BABAM2: variants seen among roughly 807,000 people sequenced by gnomAD.
BABAM2 encodes BRISC and BRCA1-A complex member 2.
A neutral mutation model predicts 54.7 loss-of-function variants in BABAM2; 31 were observed. The ratio of observed to expected loss-of-function variants is 0.57; its 90% CI spans 0.43 to 0.77. BABAM2 has a LOEUF of 0.77. Among genes scored for constraint, BABAM2 ranks in the 30% least tolerant of loss-of-function variants. The probability of loss-of-function intolerance (pLI) is 0.00; values close to 1 mark genes in which losing one functional copy is unlikely to be tolerated. For synonymous variants in BABAM2, 167 were observed against 162.9 expected (o/e 1.03, Z -0.19); for missense variants, 364 against 455.8 (o/e 0.80, Z 1.83).
intron 4 of BABAM2, among the ~76,000 whole-genome samples, chr2:27,999,065 G>C (rs1199584215): frequency 6.6e-6 from 1 of 152,036 alleles, no homozygotes; most frequent in Non-Finnish European, 1.5e-5. Context: ...GTAATTGCTT[G>C]TTTACCTTTT....
intron 2 of BABAM2, among the ~76,000 whole-genome samples, chr2:27,908,739 G>C (rs1206343611): frequency 6.6e-6 from 1 of 152,104 alleles, no homozygotes; most frequent in African/African-American, 2.4e-5. Flanking sequence ...AATTCACTTA[G>C]GATAATGGCC....
At chr2:28,148,615 A>T (rs1200067147) in intron 7 of BABAM2, among the ~76,000 whole-genome samples, 1 of 152,142 alleles carries the variant, frequency 6.6e-6, no homozygotes, top group Non-Finnish European at 1.5e-5. Flanking sequence ...GCTAGCAGTG[A>T]TCTAGCTGCA....
intron 4 of BABAM2, among the ~76,000 whole-genome samples, chr2:27,993,329 G>T (rs927207088): frequency 2.0e-5 from 3 of 152,040 alleles, no homozygotes; most frequent in African/African-American, 7.2e-5. Context: ...TTCCTTTAAG[G>T]TTCTGTATCC....
intron 3 of BABAM2, among the ~76,000 whole-genome samples, chr2:27,969,828 G>A (rs539571460): frequency 8.5e-5 from 13 of 152,240 alleles, no homozygotes; most frequent in African/African-American, 1.9e-4. Flanking sequence ...TTAATATACC[G>A]CAGTTGATAT....
In BABAM2 at chr2:28,131,324, G is replaced by A. The variant is rs1279664988; in HGVS notation, c.680+1944G>A. Among the ~76,000 whole-genome samples, 4 of 57,230 alleles carry A rather than the reference G, an allele frequency of 7.0e-5. 1 individual carries two copies. Among genetic ancestry groups the A allele is most frequent in the Non-Finnish European group, 1.7e-4 (4 of 24,132 alleles). The allele number at this position is 57,230 out of a possible 152,430, so 37.5% of individuals were successfully genotyped here. A position where few individuals can be genotyped will look rare whatever the true frequency, so the allele number is the denominator to read the frequency against. ...TCTCGATCTCCTGACCTCGTGATCCGCCCGCCTCGGCCTCCCAAAGTGCTG... is the reference window on the plus strand; with the variant it reads ...TCTCGATCTCCTGACCTCGTGATCCACCCGCCTCGGCCTCCCAAAGTGCTG... On this transcript the variant is annotated intron_variant, in intron 7 of 11. Transcript: ENST00000379624.
intron 3 of BABAM2, among the ~76,000 whole-genome samples, chr2:27,933,589 C>T (rs1371425070): frequency 6.6e-6 from 1 of 151,844 alleles, no homozygotes; most frequent in Non-Finnish European, 1.5e-5. Context: ...CTGCCTCAGC[C>T]TCCGGAGTAG....
chr2:28,332,577 C>T (rs150500761), intron 11 of BABAM2, among the ~76,000 whole-genome samples: 11 of 152,288 alleles, frequency 7.2e-5, no homozygotes, highest in African/African-American at 2.4e-4. Flanking sequence ...CTCCCCTTGA[C>T]GATGCATGTT....
At chr2:28,313,581 C>T (rs984718820) in intron 11 of BABAM2, among the ~76,000 whole-genome samples, 9 of 152,114 alleles carry the variant, frequency 5.9e-5, no homozygotes, top group African/African-American at 1.9e-4. Flanking sequence ...TGCCAGGTAG[C>T]GGGGCCTTGA....
intron 10 of BABAM2, among the ~76,000 whole-genome samples, chr2:28,264,329 C>T (rs532479503): frequency 5.9e-5 from 9 of 152,108 alleles, no homozygotes; most frequent in Admixed American, 5.2e-4. Flanking sequence ...CTTATATACA[C>T]AGATTCCCTG....
intron 7 of BABAM2, among the ~76,000 whole-genome samples, chr2:28,202,236 G>T (rs746003460): frequency 6.6e-6 from 1 of 152,114 alleles, no homozygotes; most frequent in South Asian, 2.1e-4. Flanking sequence ...ATTCGTGACC[G>T]GGGTACTGAC....
intron 6 of BABAM2, among the ~76,000 whole-genome samples, chr2:28,059,693 C>T (rs948875857): frequency 1.3e-5 from 2 of 152,124 alleles, no homozygotes; most frequent in Non-Finnish European, 2.9e-5. Flanking sequence ...TAAGAATTTC[C>T]ATACCTCATG....
intron 11 of BABAM2, among the ~76,000 whole-genome samples, chr2:28,334,827 G>T (rs1430197173): frequency 1.3e-5 from 2 of 152,188 alleles, no homozygotes; most frequent in African/African-American, 4.8e-5. Context: ...GTTCGTAAGG[G>T]AACAGAGCCC....
intron 6 of BABAM2, among the ~76,000 whole-genome samples, chr2:28,055,267 TGGAGGGTGAGA>T (rs1423041102): frequency 6.6e-6 from 1 of 151,860 alleles, no homozygotes; most frequent in Non-Finnish European, 1.5e-5. Flanking sequence ...TACCCTAGGG[TGGAGGGTGAGA>T]GGAGGGTGAG....
chr2:27,905,734 C>T (rs866784847), intron 2 of BABAM2, among the ~76,000 whole-genome samples: 28 of 152,280 alleles, frequency 1.8e-4, no homozygotes, highest in South Asian at 2.1e-4. Flanking sequence ...GGAGCTCACT[C>T]TCATCTAACA....
chr2:28,237,937 C>T (rs1294605928), intron 8 of BABAM2, among the ~76,000 whole-genome samples: 2 of 152,054 alleles, frequency 1.3e-5, no homozygotes, highest in African/African-American at 4.8e-5. Context: ...ACCGCAACCT[C>T]CTCCCGGGTT....
chr2:28,072,208 C>G (rs1221146804), intron 6 of BABAM2, among the ~76,000 whole-genome samples: 1 of 151,738 alleles, frequency 6.6e-6, no homozygotes, highest in East Asian at 1.9e-4. Flanking sequence ...AAGTCTCACT[C>G]TGTCACCAGG....
intron 5 of BABAM2, among the ~76,000 whole-genome samples, chr2:28,026,446 G>A (rs987020828): frequency 7.2e-5 from 11 of 151,844 alleles, no homozygotes; most frequent in African/African-American, 2.7e-4. Flanking sequence ...CATGGATGAA[G>A]CTGGAAACCA....
At chr2:28,024,640 G>A (rs1183903894) in intron 4 of BABAM2, among the ~76,000 whole-genome samples, 1 of 152,092 alleles carries the variant, frequency 6.6e-6, no homozygotes, top group Non-Finnish European at 1.5e-5. Flanking sequence ...AGTGACTGAC[G>A]GATGAACTGT....
intron 10 of BABAM2, among the ~76,000 whole-genome samples, chr2:28,258,390 A>G (rs1268484623): frequency 6.6e-6 from 1 of 152,092 alleles, no homozygotes; most frequent in African/African-American, 2.4e-5. Flanking sequence ...TTACATTTTC[A>G]CTGACAGTGT....
Sources: gnomAD v4.1 joint callset for allele counts (sites outside exome capture counted in the v4.1 genomes callset) on GRCh38, gnomAD v4.1.1 for gene constraint, MANE v1.5 for transcripts, NCBI Gene and HGNC (gene_info 2026-07-23, HGNC 2026-07-21) for gene names.